DLGAP1: variants seen among roughly 807,000 people sequenced by gnomAD.
DLGAP1 encodes the protein DLG associated protein 1.
Under a neutral mutation model 90.8 loss-of-function variants are expected in DLGAP1, and 11 were observed. That is an observed-to-expected ratio of 0.12 (90% confidence interval 0.08 to 0.20). DLGAP1 has a LOEUF of 0.20. DLGAP1 is among the 10% of genes least tolerant of loss of function. The probability of loss-of-function intolerance (pLI) is 1.00; values close to 1 mark genes in which losing one functional copy is unlikely to be tolerated. For missense variants in DLGAP1, 1,050 were observed against 1,333.8 expected, an observed-to-expected ratio of 0.79 and a Z score of 3.31; for synonymous variants, 558 against 540.7, an observed-to-expected ratio of 1.03 and a Z score of -0.44.
At position 3,561,376 on chromosome 18, in the gene DLGAP1, CAGTGAG is replaced by C. The variant is rs746156259; in HGVS notation, c.2057+6108_2057+6113del. On this transcript the variant is annotated intron_variant, in intron 9 of 12. Transcript: ENST00000315677. ...GCTTGAACCTGGGAGGTGGAGGTTG[CAGTGAG>C]CCAAGATCCTGCCACTATACTCCTT... Among the ~76,000 whole-genome samples the C allele has an allele frequency of 7.1e-3, 950 of 134,256 alleles. 9 individuals are homozygous for C. Among genetic ancestry groups the C allele is most frequent in the Non-Finnish European group, 0.011 (756 of 66,104 alleles). The allele number at this position is 134,256 out of a possible 152,430, so 88.1% of individuals were successfully genotyped here. A position where few individuals can be genotyped will look rare whatever the true frequency, so the allele number is the denominator to read the frequency against.
At chr18:3,928,004 G>T (rs2072431260) in intron 3 of DLGAP1, among the ~76,000 whole-genome samples, 1 of 152,084 alleles carries the variant, frequency 6.6e-6, no homozygotes, top group African/African-American at 2.4e-5. Flanking sequence ...TACCTGCTGG[G>T]GAATTTTTGC....
rs150973779 is a variant in DLGAP1 at position 3,543,240 on chromosome 18, G to A, written c.2058-8625C>T. Among the ~76,000 whole-genome samples the A allele has an allele frequency of 4.8e-3, 669 of 138,670 alleles. 9 individuals carry two copies. The highest frequency in any genetic ancestry group is 0.018 in the African/African-American group (639 of 34,766). The allele number at this position is 138,670 out of a possible 152,430, so 91.0% of individuals were successfully genotyped here. On this transcript the variant is annotated intron_variant, in intron 9 of 12. Transcript: ENST00000315677. ...GGCTGGAGTGGAGTGGTGTGATCTC[G>A]GCTCACTGCAAGCTCCGCCTCCCGC...
intron 10 of DLGAP1, among the ~76,000 whole-genome samples, chr18:3,519,217 G>C (rs2095486678): frequency 6.6e-6 from 1 of 152,144 alleles, no homozygotes; most frequent in African/African-American, 2.4e-5. Flanking sequence ...CTTAAGAATG[G>C]CAGCTTCTAT....
intron 1 of DLGAP1, among the ~76,000 whole-genome samples, chr18:4,252,305 T>C (rs1416886658): frequency 6.6e-6 from 1 of 152,230 alleles, no homozygotes; most frequent in Non-Finnish European, 1.5e-5. Flanking sequence ...AGAGTGTGAA[T>C]GATATCTATT....
intron 1 of DLGAP1, among the ~76,000 whole-genome samples, chr18:4,286,455 C>G (rs11660360): frequency 2.0e-5 from 3 of 151,970 alleles, no homozygotes; most frequent in Non-Finnish European, 2.9e-5. Flanking sequence ...CGGAGGATGA[C>G]GCTAATGCTG....
chr18:3,911,509 T>C (rs1200300482), intron 3 of DLGAP1, among the ~76,000 whole-genome samples: 1 of 152,180 alleles, frequency 6.6e-6, no homozygotes, highest in Non-Finnish European at 1.5e-5. Context: ...GATTAGAACA[T>C]TTGGAATAAC....
chr18:4,120,943 C>A (rs1351955422), intron 2 of DLGAP1, among the ~76,000 whole-genome samples: 1 of 152,154 alleles, frequency 6.6e-6, no homozygotes, highest in African/African-American at 2.4e-5. Flanking sequence ...TAGACACAGA[C>A]CCTGTTCTCA....
At chr18:4,093,590 A>T (rs2075623651) in intron 2 of DLGAP1, among the ~76,000 whole-genome samples, 1 of 152,192 alleles carries the variant, frequency 6.6e-6, no homozygotes, top group Non-Finnish European at 1.5e-5. Context: ...AATCAAAAAA[A>T]AAAAGGTCTT....
rs920262788 is a variant in DLGAP1, at chr18:4,341,193, T to C, written c.-267+113813A>G. ...CTTTAAGAATAGAGGAATATATATA[T>C]ATATAAAAAGAAAAATGTGAAGAAG... is the stretch of plus-strand genomic sequence containing the variant. On this transcript the variant is annotated intron_variant, in intron 1 of 12. Transcript: ENST00000315677. Among the ~76,000 whole-genome samples the C allele has an allele frequency of 3.9e-5, 6 of 151,932 alleles. No individual in the cohort carries two copies. In the South Asian group the frequency reaches 1.2e-3, roughly 32 times the overall value.
chr18:3,978,094 C>T (rs1321453824), intron 3 of DLGAP1: 6 of 421,162 alleles, frequency 1.4e-5, no homozygotes, highest in Admixed American at 1.1e-4. Context: ...GCAGTAATGG[C>T]GTGGACCATG....
At chr18:4,304,698 A>C (rs2080205769) in intron 1 of DLGAP1, among the ~76,000 whole-genome samples, 1 of 152,200 alleles carries the variant, frequency 6.6e-6, no homozygotes, top group Admixed American at 6.5e-5. Flanking sequence ...TGGGAGGCTG[A>C]GGAGGGTGGA....
intron 5 of DLGAP1, among the ~76,000 whole-genome samples, chr18:3,808,241 C>T (rs536884803): frequency 2.0e-5 from 3 of 151,436 alleles, no homozygotes; most frequent in East Asian, 1.9e-4. Context: ...AAACGTGTCG[C>T]GTTTCTTATT....
chr18:3,746,906 T>C (rs970622098), intron 5 of DLGAP1, among the ~76,000 whole-genome samples: 3 of 152,182 alleles, frequency 2.0e-5, no homozygotes, highest in African/African-American at 7.2e-5. Flanking sequence ...TGGAATTACT[T>C]AATATATAAC....
intron 1 of DLGAP1, among the ~76,000 whole-genome samples, chr18:4,245,866 C>A (rs2078643030): frequency 6.6e-6 from 1 of 151,912 alleles, no homozygotes; most frequent in African/African-American, 2.4e-5. Flanking sequence ...GGGGACAGGG[C>A]CCCGACTCAT....
At position 4,011,682 on chromosome 18, in the gene DLGAP1, G is replaced by C. The variant is rs1487486152; in HGVS notation, c.-158-6481C>G. On this transcript the variant is annotated intron_variant, in intron 2 of 12. Transcript: ENST00000315677. ...AAAATAAAAATAAAAAAATTAGCTG[G>C]ATGTGGTGGTGCACACCTGTAGTCC... 3.9e-5 allele frequency among the ~76,000 whole-genome samples: 6 copies of C among 151,982 alleles called. No homozygotes were observed. In the East Asian group the frequency reaches 1.2e-3, roughly 29 times the overall value.
At chr18:4,303,032 T>C (rs2080163523) in intron 1 of DLGAP1, among the ~76,000 whole-genome samples, 1 of 152,230 alleles carries the variant, frequency 6.6e-6, no homozygotes, top group African/African-American at 2.4e-5. Context: ...TCTACTAGTT[T>C]ATTTCCTTCC....
intron 3 of DLGAP1, among the ~76,000 whole-genome samples, chr18:3,964,996 A>G (rs2073292134): frequency 6.6e-6 from 1 of 152,234 alleles, no homozygotes; most frequent in Non-Finnish European, 1.5e-5. Context: ...TTTAAAAAAG[A>G]ATACAAAGAC....
chr18:4,308,922 C>T (rs2080331516), intron 1 of DLGAP1, among the ~76,000 whole-genome samples: 1 of 152,100 alleles, frequency 6.6e-6, no homozygotes, highest in African/African-American at 2.4e-5. Context: ...ATACAGAGGC[C>T]AGAACAACAA....
rs539223879 is a variant in DLGAP1, at chr18:4,055,720, T to G, written c.-158-50519A>C. ...TACCCTGGGAGCGACCTGGCACTGT[T>G]TGGTGAACTGTACTAATGCTGCCAC... On this transcript the variant is annotated intron_variant, in intron 2 of 12. Coordinates refer to ENST00000315677, the MANE Select transcript of DLGAP1 (RefSeq NM_004746.4). 7.9e-5 allele frequency among the ~76,000 whole-genome samples: 12 copies of G among 152,246 alleles called. No individual in the cohort carries two copies. In the East Asian group the frequency reaches 2.1e-3, roughly 27 times the overall value.
Sources: gnomAD v4.1 joint callset for allele counts (sites outside exome capture counted in the v4.1 genomes callset) on GRCh38, gnomAD v4.1.1 for gene constraint, MANE v1.5 for transcripts, NCBI Gene and HGNC (gene_info 2026-07-23, HGNC 2026-07-21) for gene names.